The following COL4A1 variants were observed in gnomAD, a reference collection of about 807,000 sequenced individuals.
COL4A1 encodes the protein collagen alpha-1(IV) chain.
COL4A1 carries 40 observed loss-of-function variants against 216.6 expected under a neutral mutation model. That is an observed-to-expected ratio of 0.18 (90% CI 0.14 to 0.24). The LOEUF is 0.24. COL4A1 is among the 10% of genes least tolerant of loss of function. The pLI, the probability that COL4A1 is intolerant of heterozygous loss-of-function variation, is 1.00. For synonymous variants in COL4A1, 839 were observed against 810.7 expected (o/e 1.03, Z -0.59); for missense variants, 1,628 against 2,196.8 (o/e 0.74, Z 5.18).
chr13:110,247,835 GGC>G (rs1305533126), intron 1 of COL4A1, among the ~76,000 whole-genome samples: 88 of 96,490 alleles, frequency 9.1e-4, no homozygotes, highest in Non-Finnish European at 1.3e-3. Context: ...GTGTGTGTGT[GGC>G]AGAGAGAGAG....
At position 110,219,906 on chromosome 13, in the gene COL4A1, ATATATGTGTGTATATATATGTATG is replaced by A. The variant is rs1555308005; in HGVS notation, c.145-5915_145-5892del. On this transcript the variant is annotated intron_variant, in intron 2 of 51. Coordinates refer to ENST00000375820, the MANE Select transcript of COL4A1 (RefSeq NM_001845.6). ...TATATATGTGTGTATATATATGTAT[ATATATGTGTGTATATATATGTATG>A]TATATGTGTGTGTATATATACACAT... 5.1e-3 allele frequency among the ~76,000 whole-genome samples: 720 copies of A among 139,854 alleles called. 10 individuals carry two copies. Among genetic ancestry groups the A allele is most frequent in the African/African-American group, 0.019 (686 of 36,296 alleles). The allele number at this position is 139,854 out of a possible 152,430, so 91.7% of individuals were successfully genotyped here. A position where few individuals can be genotyped will look rare whatever the true frequency, so the allele number is the denominator to read the frequency against.
At chr13:110,186,903 C>G (rs991830385) in intron 25 of COL4A1, among the ~76,000 whole-genome samples, 1 of 152,190 alleles carries the variant, frequency 6.6e-6, no homozygotes. Context: ...TTCAGTTCCC[C>G]CAAATGCATC....
At chr13:110,226,931 TAAATACTTAA>T (rs1880761217) in intron 2 of COL4A1, among the ~76,000 whole-genome samples, 1 of 152,208 alleles carries the variant, frequency 6.6e-6, no homozygotes, top group South Asian at 2.1e-4. Flanking sequence ...AGCTACTTCA[TAAATACTTAA>T]AAATGGTCTT....
chr13:110,194,410 T>A (rs1339606487), intron 22 of COL4A1, among the ~76,000 whole-genome samples: 1 of 152,170 alleles, frequency 6.6e-6, no homozygotes, highest in African/African-American at 2.4e-5. Context: ...CATTGCTTAT[T>A]CCCCTCTAAG....
chr13:110,203,031 A>C (rs748721366), intron 18 of COL4A1, among the ~76,000 whole-genome samples: 12 of 152,078 alleles, frequency 7.9e-5, no homozygotes, highest in Non-Finnish European at 1.8e-4. Flanking sequence ...TGGCCAACAT[A>C]GTCAGGCCCT....
intron 1 of COL4A1, among the ~76,000 whole-genome samples, chr13:110,244,792 G>A (rs888716786): frequency 5.9e-5 from 9 of 152,150 alleles, no homozygotes; most frequent in African/African-American, 2.2e-4. Context: ...CATTGAGCCT[G>A]ATGTGAGCTG....
intron 1 of COL4A1, among the ~76,000 whole-genome samples, chr13:110,261,749 G>A (rs1882836745): frequency 6.6e-6 from 1 of 152,208 alleles, no homozygotes; most frequent in African/African-American, 2.4e-5. Flanking sequence ...AGCCGCGCAG[G>A]GGCAGGGGCT....
intron 1 of COL4A1, among the ~76,000 whole-genome samples, chr13:110,256,064 C>T (rs995802501): frequency 1.3e-5 from 2 of 152,044 alleles, no homozygotes; most frequent in East Asian, 1.9e-4. Flanking sequence ...CTACAAATCA[C>T]GCTGTATATC....
At chr13:110,279,549 G>A (rs1170217801) in intron 1 of COL4A1, among the ~76,000 whole-genome samples, 1 of 152,056 alleles carries the variant, frequency 6.6e-6, no homozygotes, top group African/African-American at 2.4e-5. Context: ...TTCTTTTGGG[G>A]GGCTGGAGGA....
intron 44 of COL4A1, 85 bp from the exon 45 acceptor site, chr13:110,166,388 C>T: frequency 1.2e-6 from 1 of 866,952 alleles, no homozygotes; most frequent in East Asian, 2.4e-5. Flanking sequence ...CTCTAGTGCA[C>T]ACACATACAT....
intron 26 of COL4A1, 80 bp downstream of exon 26, chr13:110,186,305 G>C: frequency 1.4e-5 from 22 of 1,576,874 alleles, no homozygotes; most frequent in Non-Finnish European, 1.7e-5. Flanking sequence ...GCGAACCCCA[G>C]GCCTCTGTGT....
At chr13:110,241,735 A>G (rs1315995127) in intron 2 of COL4A1, among the ~76,000 whole-genome samples, 1 of 152,220 alleles carries the variant, frequency 6.6e-6, no homozygotes, top group African/African-American at 2.4e-5. Flanking sequence ...ATTTCAGCAA[A>G]TAGTCAAAAA....
chr13:110,168,424 G>A (rs1877444499), intron 43 of COL4A1, among the ~76,000 whole-genome samples: 1 of 152,170 alleles, frequency 6.6e-6, no homozygotes, highest in South Asian at 2.1e-4. Context: ...AGCAATAGGG[G>A]CCCAAAAATA....
chr13:110,209,393 T>A lies in COL4A1; in HGVS notation c.650A>T (p.Lys217Met). Residue 217 changes from lysine to methionine, a missense_variant and splice_region_variant, in exon 11 of 52, where the codon AAG becomes ATG. Around this residue, in one of 8 missense-constraint regions of COL4A1, gnomAD observed 23 missense variants for 66.0 expected, o/e 0.35. Transcript: ENST00000375820. ...ACAAAAAATGAAAAGAACTTTTACC[T>A]TTTCACCTGGAGGGCCGGGAGGGCC... ...PPGPPGPPGE[K>M]GQMGLSFQGP... 3 of 1,612,148 alleles carry A rather than the reference T, an allele frequency of 1.9e-6. No homozygotes were observed. The highest frequency in any genetic ancestry group is 2.5e-6 in the Non-Finnish European group (3 of 1,178,602).
At position 110,179,317 on chromosome 13, in the gene COL4A1, A is replaced by G; in HGVS notation, c.2298T>C (p.Pro766=). Reference sequence around the variant, plus strand: ...GGGGTCCGATCGCTCCATGTTCTCCAGGAACGCCTGGTACCCCAATGCTCC... The same window carrying G: ...GGGGTCCGATCGCTCCATGTTCTCCGGGAACGCCTGGTACCCCAATGCTCC... ...EKGSIGVPGV[P]GEHGAIGPPG... is the part of the protein sequence containing the mutation. The change falls in exon 30 of 52, where the codon CCT becomes CCC. Residue 766 remains proline, a synonymous_variant. Coordinates refer to ENST00000375820, the MANE Select transcript of COL4A1 (RefSeq NM_001845.6). 1.2e-6 allele frequency: 2 copies of G among 1,614,146 alleles called. No individual in the cohort carries two copies. Among genetic ancestry groups the G allele is most frequent in the Non-Finnish European group, 1.7e-6 (2 of 1,180,026 alleles).
chr13:110,152,925 A>G (rs1876576975), intron 50 of COL4A1, among the ~76,000 whole-genome samples: 1 of 152,266 alleles, frequency 6.6e-6, no homozygotes, highest in South Asian at 2.1e-4. Context: ...TGTATTTGCT[A>G]TATTAGATGC....
chr13:110,211,756 T>C lies in COL4A1; in HGVS notation c.442-83A>G. ...AATTGTTATCATGTAATATTATATA[T>C]AAAATATAAGTTATTAAAACATAAG... is the stretch of plus-strand genomic sequence containing the variant. On this transcript the variant is annotated intron_variant, in intron 7 of 51. Coordinates refer to ENST00000375820, the MANE Select transcript of COL4A1 (RefSeq NM_001845.6). This position sits in a 1 kb window ranked among gnomAD's most constrained non-coding sequence, Gnocchi z 4.3. The C allele has an allele frequency of 6.9e-7, 1 of 1,445,970 alleles. No individual in the cohort carries two copies. The highest frequency in any genetic ancestry group is 9.5e-7 in the Non-Finnish European group (1 of 1,056,728). The allele number at this position is 1,445,970 out of a possible 1,614,324, so 89.6% of individuals were successfully genotyped here. A position where few individuals can be genotyped will look rare whatever the true frequency, so the allele number is the denominator to read the frequency against.
intron 1 of COL4A1, among the ~76,000 whole-genome samples, chr13:110,289,414 G>A (rs1377688786): frequency 6.6e-6 from 1 of 152,064 alleles, no homozygotes; most frequent in Non-Finnish European, 1.5e-5. Flanking sequence ...TCCTGTGAGG[G>A]GACAAGGCCC....
chr13:110,240,213 A>G (rs920014876), intron 2 of COL4A1, among the ~76,000 whole-genome samples: 2 of 148,588 alleles, frequency 1.3e-5, no homozygotes, highest in African/African-American at 5.2e-5. Context: ...GGAATTAAAA[A>G]AAATTAAAAA....
Sources: allele counts gnomAD v4.1 joint callset (sites outside exome capture counted in the v4.1 genomes callset), GRCh38; gene constraint gnomAD v4.1.1; regional missense constraint gnomAD v4.1.1; non-coding constraint Gnocchi (gnomAD v3.1); transcripts MANE v1.5; gene names NCBI Gene and HGNC (gene_info 2026-07-23, HGNC 2026-07-21).